FASTKD1: variants seen among roughly 807,000 people sequenced by gnomAD.
FASTKD1 encodes the protein FAST kinase domains 1, also known as FAST kinase domain-containing protein 1, mitochondrial.
FASTKD1 carries 94 observed loss-of-function variants against 90.9 expected under a neutral mutation model. That is an observed-to-expected ratio of 1.03 (90% confidence interval 0.88 to 1.23). The LOEUF (loss-of-function observed/expected upper bound fraction) is 1.23. FASTKD1 is among the 50% of genes most tolerant of loss of function. The probability of loss-of-function intolerance (pLI) is 0.00; values close to 1 mark genes in which losing one functional copy is unlikely to be tolerated. For synonymous variants in FASTKD1, 319 were observed against 345.8 expected (o/e 0.92, Z 0.86); for missense variants, 945 against 993.5 (o/e 0.95, Z 0.66).
intron 7 of FASTKD1, among the ~76,000 whole-genome samples, chr2:169,551,490 A>T (rs1484783590): frequency 6.6e-6 from 1 of 152,182 alleles, no homozygotes; most frequent in Non-Finnish European, 1.5e-5. Flanking sequence ...GAGCAAAAGA[A>T]GCCTGACACA....
intron 5 of FASTKD1, among the ~76,000 whole-genome samples, chr2:169,557,513 T>C (rs1273161776): frequency 1.3e-5 from 2 of 152,206 alleles, no homozygotes; most frequent in African/African-American, 4.8e-5. Context: ...TCAGGCCTCA[T>C]TATAATCCAA....
Position 169,529,883 on chromosome 2 carries a change from T to G in FASTKD1, c.2486A>C (p.Asp829Ala), listed in dbSNP as rs771345879. ...EWNSMALSTK[D>A]ARMDYLRECI... ...TTCTCTCAGGTAGTCCATCCGAGCA[T>G]CCTTTGTTGACAGTGCCATAGAGTT... Residue 829 changes from aspartate to alanine, a missense_variant, in exon 15 of 15, where the codon GAT (aspartate) becomes GCT (alanine). Asp to Ala is a moderately radical substitution (Grantham distance 126). Coordinates refer to ENST00000453153, the MANE Select transcript of FASTKD1 (RefSeq NM_024622.6). 1.2e-6 allele frequency: 2 copies of G among 1,613,770 alleles called. No homozygotes were observed. Among genetic ancestry groups the G allele is most frequent in the South Asian group, 2.2e-5 (2 of 91,018 alleles).
At position 169,569,849 on chromosome 2, in the gene FASTKD1, T is replaced by C. The variant is rs555734980; in HGVS notation, c.378-597A>G. ...CTCGGTGACAGAGTGAGACTCCACCTCATAAATAAATAAATAAAATATTTT... is the reference window on the plus strand; with the variant it reads ...CTCGGTGACAGAGTGAGACTCCACCCCATAAATAAATAAATAAAATATTTT... On this transcript the variant is annotated intron_variant, in intron 2 of 14. Coordinates refer to ENST00000453153, the MANE Select transcript of FASTKD1 (RefSeq NM_024622.6). Among the ~76,000 whole-genome samples the C allele has an allele frequency of 1.6e-4, 24 of 152,154 alleles. No individual in the cohort carries two copies. The South Asian group carries it at 4.1e-3, about 26-fold the overall frequency.
At chr2:169,568,466 G>A (rs2105438912) in intron 3 of FASTKD1, among the ~76,000 whole-genome samples, 1 of 151,778 alleles carries the variant, frequency 6.6e-6, no homozygotes, top group Admixed American at 6.6e-5. Context: ...CACTCTTAAA[G>A]AGGAAAAATA....
chr2:169,564,964 T>C (rs1478213802), intron 3 of FASTKD1, among the ~76,000 whole-genome samples: 1 of 150,340 alleles, frequency 6.7e-6, no homozygotes, highest in East Asian at 1.9e-4. Context: ...TTTTTTTTTT[T>C]TTTTTTGAGA....
chr2:169,535,043 A>C (rs376457380), intron 12 of FASTKD1, among the ~76,000 whole-genome samples: 1 of 152,180 alleles, frequency 6.6e-6, no homozygotes, highest in East Asian at 1.9e-4. Flanking sequence ...TATTAAAAAG[A>C]GATGGCTTCT....
chr2:169,530,180 T>C (rs1285884819), intron 14 of FASTKD1, among the ~76,000 whole-genome samples: 1 of 152,236 alleles, frequency 6.6e-6, no homozygotes, highest in Non-Finnish European at 1.5e-5. Flanking sequence ...GTCTTCTATA[T>C]TCATACCTAG....
At chr2:169,564,507 C>T (rs1044620079) in intron 3 of FASTKD1, among the ~76,000 whole-genome samples, 4 of 152,004 alleles carry the variant, frequency 2.6e-5, no homozygotes, top group African/African-American at 7.2e-5. Flanking sequence ...AAGCATGCAA[C>T]GCAAAATAAA....
intron 3 of FASTKD1, 99 bp downstream of exon 3, chr2:169,569,085 T>C (rs1684121445): frequency 1.1e-6 from 1 of 931,530 alleles, no homozygotes; most frequent in Non-Finnish European, 1.7e-6. Context: ...TCAGTGAAGC[T>C]TGACAGGCAT....
At chr2:169,562,177 GT>G (rs1375657175) in intron 4 of FASTKD1, among the ~76,000 whole-genome samples, 2 of 139,884 alleles carry the variant, frequency 1.4e-5, no homozygotes, top group South Asian at 2.3e-4. Context: ...TTATTTTTTG[GT>G]TTTTTTGGAT....
At chr2:169,545,006 C>A (rs532958380) in intron 8 of FASTKD1, among the ~76,000 whole-genome samples, 171 bp from the exon 9 acceptor site, 1 of 152,136 alleles carries the variant, frequency 6.6e-6, no homozygotes, top group Non-Finnish European at 1.5e-5. Context: ...TTTAACCCCA[C>A]CAACATTATT....
intron 2 of FASTKD1, 33 bp downstream of exon 2, chr2:169,571,620 T>C (rs901796911): frequency 1.6e-6 from 2 of 1,277,076 alleles, no homozygotes; most frequent in Admixed American, 4.8e-5. Context: ...AACTATATAA[T>C]CATTCCATAA....
rs1684384909 is a variant in FASTKD1, at chr2:169,529,488, C to T, written c.*337G>A. On this transcript the variant is annotated 3_prime_UTR_variant, in exon 15 of 15. Coordinates refer to ENST00000453153, the MANE Select transcript of FASTKD1 (RefSeq NM_024622.6). ...TTTCTTTCTTACACATTTGCCTCAT[C>T]GTAGTCTTTTCTTATCTCAACAAGG... 1.3e-5 allele frequency among the ~76,000 whole-genome samples: 2 copies of T among 152,166 alleles called. No homozygotes were observed. Among genetic ancestry groups the T allele is most frequent in the Non-Finnish European group, 2.9e-5 (2 of 68,030 alleles).
intron 3 of FASTKD1, 92 bp downstream of exon 3, chr2:169,569,092 G>A: frequency 1.0e-6 from 1 of 972,506 alleles, no homozygotes; most frequent in South Asian, 1.4e-5. Flanking sequence ...AGCTTGACAG[G>A]CATCAGTTCC....
chr2:169,567,237 A>T (rs951813210), intron 3 of FASTKD1, among the ~76,000 whole-genome samples: 1 of 152,248 alleles, frequency 6.6e-6, no homozygotes, highest in African/African-American at 2.4e-5. Context: ...TCATACATGT[A>T]ATTTAATTAA....
Position 169,560,617 on chromosome 2 carries a change from TGG to T in FASTKD1, c.739_740del (p.Pro247ThrfsTer6). 4.3e-6 allele frequency: 7 copies of T among 1,612,010 alleles called. No homozygotes were observed. Among genetic ancestry groups the T allele is most frequent in the Non-Finnish European group, 5.1e-6 (6 of 1,179,274 alleles). ...FLRNVRYRYQPLLERCNNVFL... is the reference protein window; with the variant it reads ...FLRNVRYRYQXLLERCNNVFL... ...ATACGTTATTACATCTTTCTAATAG[TGG>T]TTGATAACGATATCTAACATTTCGA... On this transcript the variant is annotated frameshift_variant, in exon 5 of 15. Transcript: ENST00000453153. LOFTEE classifies it high-confidence loss of function.
rs577042540 is a variant in FASTKD1, at chr2:169,571,515, G to T, written c.377+138C>A. On this transcript the variant is annotated intron_variant, in intron 2 of 14. Transcript: ENST00000453153. ...GGAGGCAGAGCTTGCAGTGAGCCGA[G>T]ATCATGCCACTGCACTCCAGCCTGG... The T allele has an allele frequency of 5.8e-5, 33 of 568,028 alleles. No individual in the cohort carries two copies. The South Asian group carries it at 8.8e-4, about 15-fold the overall frequency. 35.2% of individuals were successfully genotyped at this position (568,028 alleles called of 1,614,324 possible).
chr2:169,531,141 G>C lies in FASTKD1; in HGVS notation c.2327+211C>G, dbSNP rs774754627. 22 of 757,420 alleles carry C rather than the reference G, an allele frequency of 2.9e-5. 1 individual carries two copies. In the Admixed American group the frequency reaches 3.8e-4, roughly 13 times the overall value. The allele number at this position is 757,420 out of a possible 1,614,324, so 46.9% of individuals were successfully genotyped here. A position where few individuals can be genotyped will look rare whatever the true frequency, so the allele number is the denominator to read the frequency against. On this transcript the variant is annotated intron_variant, in intron 13 of 14. Coordinates refer to ENST00000453153, the MANE Select transcript of FASTKD1 (RefSeq NM_024622.6). ...CTTCCAGTGGAGGACAATTCTTTTAGCACTTTAGTTAGGGAGATTGCTAGG... is the reference window on the plus strand; with the variant it reads ...CTTCCAGTGGAGGACAATTCTTTTACCACTTTAGTTAGGGAGATTGCTAGG...
chr2:169,531,698 C>A, intron 12 of FASTKD1: 1 of 490,516 alleles, frequency 2.0e-6, no homozygotes. Context: ...AAAAAATCAA[C>A]CAGAAGAATT....
Sources: allele counts gnomAD v4.1 joint callset (sites outside exome capture counted in the v4.1 genomes callset), GRCh38; gene constraint gnomAD v4.1.1; transcripts MANE v1.5; gene names NCBI Gene and HGNC (gene_info 2026-07-23, HGNC 2026-07-21).